Variants in SULF1 observed in about 807,000 individuals in gnomAD.
SULF1 encodes extracellular sulfatase Sulf-1.
In SULF1, 46 loss-of-function variants were observed where a neutral mutation model predicts 110.5. The ratio of observed to expected loss-of-function variants is 0.42; its 90% CI spans 0.33 to 0.53. The LOEUF (loss-of-function observed/expected upper bound fraction) is 0.53, where lower values mean the gene tolerates loss of function less well. Ranked by LOEUF, SULF1 falls within the 20% of genes least tolerant of loss-of-function variation. The pLI is 0.12. For synonymous variants in SULF1, 371 were observed against 387.1 expected (o/e 0.96, Z 0.49); for missense variants, 941 against 1,094.2 (o/e 0.86, Z 1.98).
intron 3 of SULF1, among the ~76,000 whole-genome samples, chr8:69,522,055 A>G (rs79224777): frequency 6.9e-6 from 1 of 144,078 alleles, no homozygotes; most frequent in Non-Finnish European, 1.5e-5. Flanking sequence ...ATCATGGACG[A>G]TTTTTTTTTT....
intron 1 of SULF1, among the ~76,000 whole-genome samples, chr8:69,483,483 C>A (rs1809586863): frequency 6.6e-6 from 1 of 151,990 alleles, no homozygotes; most frequent in African/African-American, 2.4e-5. Flanking sequence ...AGAAGGATGC[C>A]AAGAGAGAAT....
At chr8:69,529,090 A>G (rs189916576) in intron 3 of SULF1, among the ~76,000 whole-genome samples, 231 of 152,288 alleles carry the variant, frequency 1.5e-3, no homozygotes, top group African/African-American at 5.2e-3. Context: ...CTCTTACTCC[A>G]GCTTTACTAA....
chr8:69,581,632 A>T (rs1806069303), intron 6 of SULF1, among the ~76,000 whole-genome samples: 1 of 152,224 alleles, frequency 6.6e-6, no homozygotes, highest in Non-Finnish European at 1.5e-5. Context: ...AAAATATTGA[A>T]CTATACGTAA....
intron 2 of SULF1, among the ~76,000 whole-genome samples, chr8:69,497,045 G>C (rs756005): frequency 0.37 from 56,126 of 152,010 alleles, 11,073 homozygotes; most frequent in East Asian, 0.73. Flanking sequence ...TTCAGCATGA[G>C]TTTTCTAATG....
chr8:69,524,819 A>G (rs1335753046), intron 3 of SULF1, among the ~76,000 whole-genome samples: 3 of 152,218 alleles, frequency 2.0e-5, no homozygotes, highest in Non-Finnish European at 2.9e-5. Flanking sequence ...TTATAGTGAA[A>G]TAAACAAGAA....
At chr8:69,534,944 TA>T (rs1180807680) in intron 3 of SULF1, among the ~76,000 whole-genome samples, 2 of 152,226 alleles carry the variant, frequency 1.3e-5, no homozygotes, top group Non-Finnish European at 2.9e-5. Flanking sequence ...GATTGTTGTT[TA>T]AAAACAAGCA....
At chr8:69,578,019 T>C (rs1200190978) in intron 6 of SULF1, among the ~76,000 whole-genome samples, 2 of 152,212 alleles carry the variant, frequency 1.3e-5, no homozygotes, top group African/African-American at 4.8e-5. Context: ...CAAAGATTGC[T>C]GTACAAACTG....
chr8:69,561,064 C>T (rs557362862), intron 3 of SULF1, among the ~76,000 whole-genome samples: 1 of 152,080 alleles, frequency 6.6e-6, no homozygotes, highest in South Asian at 2.1e-4. Flanking sequence ...GCAAGGTGAC[C>T]ACAGTTAATA....
At chr8:69,653,627 T>A (rs1418848020) in intron 22 of SULF1, among the ~76,000 whole-genome samples, 6 of 152,234 alleles carry the variant, frequency 3.9e-5, no homozygotes, top group Non-Finnish European at 5.9e-5. Context: ...ATAAGCATGA[T>A]TGATTGCATC....
intron 3 of SULF1, among the ~76,000 whole-genome samples, chr8:69,509,668 G>A (rs1184411979): frequency 2.6e-5 from 4 of 152,162 alleles, no homozygotes; most frequent in South Asian, 2.1e-4. Context: ...ACAGCAGCCA[G>A]AGACAAAAAA....
chr8:69,636,023 C>T (rs1810966986), intron 19 of SULF1, among the ~76,000 whole-genome samples: 1 of 152,112 alleles, frequency 6.6e-6, no homozygotes, highest in South Asian at 2.1e-4. Context: ...CAAGAGGTAG[C>T]TTTGGGGATT....
upstream of SULF1, among the ~76,000 whole-genome samples, chr8:69,488,706 C>A (rs563552778): frequency 2.4e-4 from 36 of 152,096 alleles, no homozygotes; most frequent in African/African-American, 8.4e-4. Flanking sequence ...GCCAAATACA[C>A]AGCACCCAAC....
intron 22 of SULF1, among the ~76,000 whole-genome samples, chr8:69,644,756 G>C (rs1178855331): frequency 9.5e-6 from 1 of 105,760 alleles, no homozygotes. Context: ...GGGAGACGCC[G>C]TCTCAAAAAA....
chr8:69,552,581 G>A (rs1207977401), intron 3 of SULF1, among the ~76,000 whole-genome samples: 1 of 152,234 alleles, frequency 6.6e-6, no homozygotes, highest in African/African-American at 2.4e-5. Context: ...TAGTCCAGTA[G>A]TCAAAATCCC....
chr8:69,528,650 T>A (rs1008343598), intron 3 of SULF1, among the ~76,000 whole-genome samples: 3 of 152,210 alleles, frequency 2.0e-5, no homozygotes, highest in Non-Finnish European at 4.4e-5. Context: ...TACCAGTGTG[T>A]CCTGAGATAG....
intron 3 of SULF1, among the ~76,000 whole-genome samples, chr8:69,553,070 C>T (rs959244911): frequency 4.6e-5 from 7 of 152,166 alleles, no homozygotes; most frequent in Non-Finnish European, 1.0e-4. Context: ...CTCAGAGATT[C>T]CACAAGGTGT....
chr8:69,545,948 G>A (rs1433272511), intron 3 of SULF1, among the ~76,000 whole-genome samples: 4 of 152,166 alleles, frequency 2.6e-5, no homozygotes, highest in Admixed American at 6.5e-5. Context: ...GCCCACCTCG[G>A]CCTCCCAAAG....
At chr8:69,581,600 A>G (rs953697898) in intron 6 of SULF1, among the ~76,000 whole-genome samples, 14 of 152,242 alleles carry the variant, frequency 9.2e-5, no homozygotes, top group South Asian at 8.3e-4. Flanking sequence ...GTTGAATTGA[A>G]TTGCCAATGC....
At chr8:69,631,010 T>C (rs1481175537) in intron 19 of SULF1, among the ~76,000 whole-genome samples, 4 of 150,926 alleles carry the variant, frequency 2.7e-5, no homozygotes, top group African/African-American at 7.3e-5. Flanking sequence ...GATGTTCCTC[T>C]TCCTGTGTCA....
Sources: gnomAD v4.1 joint callset for allele counts (sites outside exome capture counted in the v4.1 genomes callset) on GRCh38, gnomAD v4.1.1 for gene constraint, MANE v1.5 for transcripts, NCBI Gene and HGNC (gene_info 2026-07-23, HGNC 2026-07-21) for gene names.